The following DEF6 variants were observed in gnomAD, a reference collection of about 807,000 sequenced individuals.
DEF6 encodes the protein differentially expressed in FDCP 6 homolog.
Under a neutral mutation model 80.5 loss-of-function variants are expected in DEF6, and 32 were observed. The ratio of observed to expected loss-of-function variants is 0.40; its 90% CI spans 0.30 to 0.53. The LOEUF (loss-of-function observed/expected upper bound fraction) is 0.53. DEF6 is among the 20% of genes least tolerant of loss of function. The pLI, the probability that DEF6 is intolerant of heterozygous loss-of-function variation, is 0.57. For synonymous variants in DEF6, 300 were observed against 337.9 expected, an observed-to-expected ratio of 0.89 and a Z score of 1.23; for missense variants, 575 against 818.7, an observed-to-expected ratio of 0.70 and a Z score of 3.63.
chr6:35,298,647 G>T (rs1224779698), intron 1 of DEF6, among the ~76,000 whole-genome samples: 1 of 152,180 alleles, frequency 6.6e-6, no homozygotes, highest in African/African-American at 2.4e-5. Context: ...CAATCATCTG[G>T]CCTAGACAAT....
chr6:35,307,911 C>T (rs1404816650), intron 1 of DEF6, among the ~76,000 whole-genome samples: 1 of 152,156 alleles, frequency 6.6e-6, no homozygotes. Context: ...CTCCTAGGAA[C>T]TGATTCCAAG....
chr6:35,308,977 C>A (rs182841140), intron 1 of DEF6, among the ~76,000 whole-genome samples: 93 of 152,268 alleles, frequency 6.1e-4, no homozygotes, highest in African/African-American at 1.9e-3. Flanking sequence ...CCCCTGCACA[C>A]CATTATGACC....
chr6:35,320,435 C>A (rs553189796), intron 9 of DEF6, among the ~76,000 whole-genome samples: 2 of 152,084 alleles, frequency 1.3e-5, no homozygotes, highest in Non-Finnish European at 2.9e-5. Context: ...CATGATCCCC[C>A]CCACCTCACA....
Position 35,318,310 on chromosome 6 carries a change from CAGCTGCAGG to C in DEF6, c.1057_1065del (p.Leu353_Glu355del). On this transcript the variant is annotated inframe_deletion, in exon 7 of 11. Coordinates refer to ENST00000316637, the MANE Select transcript of DEF6 (RefSeq NM_022047.4). This position sits in a 1 kb window ranked among gnomAD's most constrained non-coding sequence, Gnocchi z 5.1. ...GGAAGAGGAGCTGCTGCGGCTGCAGCAGCTGCAGGAGGAGAAGGAGCGGAAGCTGCAGGA... is the reference window on the plus strand; with the variant it reads ...GGAAGAGGAGCTGCTGCGGCTGCAGCAGGAGAAGGAGCGGAAGCTGCAGGA... The C allele has an allele frequency of 6.4e-7, 1 of 1,550,876 alleles. No individual in the cohort carries two copies. The highest frequency in any genetic ancestry group is 8.7e-7 in the Non-Finnish European group (1 of 1,148,934).
chr6:35,299,395 C>T (rs1000550437), intron 1 of DEF6, among the ~76,000 whole-genome samples: 6 of 151,630 alleles, frequency 4.0e-5, no homozygotes, highest in Admixed American at 3.3e-4. Flanking sequence ...CTTTTTGCTT[C>T]CAGGGTAACA....
rs946527105 is a variant in DEF6, at chr6:35,318,333, G to A, written c.1077G>A (p.Arg359=). The change falls in exon 7 of 11, where the codon CGG becomes CGA. Residue 359 remains arginine (R), a synonymous_variant. Transcript: ENST00000316637. This position sits in a 1 kb window ranked among gnomAD's most constrained non-coding sequence, Gnocchi z 5.1. ...RLQQLQEEKE[R]KLQELELLQE... is the part of the protein sequence containing the mutation. ...AGCAGCTGCAGGAGGAGAAGGAGCGGAAGCTGCAGGAGCTGGAGCTGCTGC... is the reference window on the plus strand; with the variant it reads ...AGCAGCTGCAGGAGGAGAAGGAGCGAAAGCTGCAGGAGCTGGAGCTGCTGC... 8.4e-6 allele frequency: 13 copies of A among 1,545,376 alleles called. No individual in the cohort carries two copies. The African/African-American group carries it at 1.6e-4, about 20-fold the overall frequency.
rs1174877744 is a variant in DEF6 at position 35,317,783 on chromosome 6, A to G, written c.808-108A>G. On this transcript the variant is annotated intron_variant, in intron 5 of 10. Coordinates refer to ENST00000316637, the MANE Select transcript of DEF6 (RefSeq NM_022047.4). ...AGGCTCCTGGCAGAGTGGGGTCCCC[A>G]GGGAAGATAGCCAGGAGGGCTAGGG... is the stretch of plus-strand genomic sequence containing the variant. The G allele has an allele frequency of 4.5e-6, 4 of 880,462 alleles. No individual in the cohort carries two copies. In the African/African-American group the frequency reaches 6.9e-5, roughly 15 times the overall value. 54.5% of individuals were successfully genotyped at this position (880,462 alleles called of 1,614,324 possible). A position where few individuals can be genotyped will look rare whatever the true frequency, so the allele number is the denominator to read the frequency against.
chr6:35,297,999 C>A (rs912539112), intron 1 of DEF6, 47 bp downstream of exon 1: 1 of 1,479,460 alleles, frequency 6.8e-7, no homozygotes, highest in Non-Finnish European at 9.2e-7. Flanking sequence ...TGCACCACAC[C>A]AGCCCCTGCC....
chr6:35,298,683 C>G (rs1320260566), intron 1 of DEF6, among the ~76,000 whole-genome samples: 1 of 152,192 alleles, frequency 6.6e-6, no homozygotes, highest in Non-Finnish European at 1.5e-5. Context: ...GAGTTTTTCT[C>G]TCTCTTCCTC....
chr6:35,307,355 C>T (rs753581038), intron 1 of DEF6, among the ~76,000 whole-genome samples: 4 of 152,244 alleles, frequency 2.6e-5, no homozygotes, highest in Non-Finnish European at 4.4e-5. Flanking sequence ...GCCAACACCG[C>T]GCCACTGCGC....
In DEF6 at chr6:35,321,570, C is replaced by A; in HGVS notation, c.*160C>A. 1 of 629,772 alleles carries A rather than the reference C, an allele frequency of 1.6e-6. No individual in the cohort carries two copies. The highest frequency in any genetic ancestry group is 2.7e-6 in the Non-Finnish European group (1 of 368,380). 39.0% of individuals were successfully genotyped at this position (629,772 alleles called of 1,614,324 possible). A position where few individuals can be genotyped will look rare whatever the true frequency, so the allele number is the denominator to read the frequency against. ...AAACAGTCCAGGATGGAACCTGGTTCACCCTTCATACCAGCTCCAAGCCCC... is the reference window on the plus strand; with the variant it reads ...AAACAGTCCAGGATGGAACCTGGTTAACCCTTCATACCAGCTCCAAGCCCC... On this transcript the variant is annotated 3_prime_UTR_variant, in exon 11 of 11. Transcript: ENST00000316637.
In DEF6 at chr6:35,297,934, C is replaced by T. The variant is rs16874262; in HGVS notation, c.78C>T (p.Val26=). 16,866 of 1,603,244 alleles carry T rather than the reference C, an allele frequency of 0.011. 1,218 individuals are homozygous for T. The African/African-American group carries it at 0.17, about 16-fold the overall frequency. Residue 26 remains valine, a synonymous_variant, in exon 1 of 11, where the codon GTC becomes GTT. Transcript: ENST00000316637. The part of the protein sequence containing the change: ...TALDVEKSGK[V]SKSQLKVLSH... ...TGGACGTGGAGAAGAGTGGCAAAGT[C>T]TCCAAGTCCCAGCTCAAGGTGAGGG...
Position 35,310,534 on chromosome 6 carries a change from G to T in DEF6, c.313G>T (p.Ala105Ser). Residue 105 changes from alanine to serine, a missense_variant, in exon 3 of 11, where the codon GCA (alanine) becomes TCA (serine). Transcript: ENST00000316637. Reference sequence around the variant, plus strand: ...GCTGACGGCCAAGAAGAACTATCGGGCAGATAGCAACGGGAACAGTATGCT... The same window carrying T: ...GCTGACGGCCAAGAAGAACTATCGGTCAGATAGCAACGGGAACAGTATGCT... ...WTLTAKKNYR[A>S]DSNGNSMLSN... The T allele has an allele frequency of 6.2e-7, 1 of 1,614,184 alleles. No homozygotes were observed.
At position 35,320,903 on chromosome 6, in the gene DEF6, G is replaced by A. The variant is rs747695494; in HGVS notation, c.1601G>A (p.Arg534His). 7.8e-5 allele frequency: 126 copies of A among 1,609,722 alleles called. No homozygotes were observed. The highest frequency in any genetic ancestry group is 9.5e-5 in the Non-Finnish European group (112 of 1,177,698). The change falls in exon 10 of 11, where the codon CGC (arginine) becomes CAC (histidine). Residue 534 changes from arginine (R) to histidine (H), a missense_variant. Transcript: ENST00000316637. ...CCACAGGCTGCCCAGAGAAAACTGC[G>A]CCAGGCCAGCACCAACGTGAAACAC... ...EDVEAAQRKL[R>H]QASTNVKHWN...
At chr6:35,309,899 C>A (rs1390211737) in intron 2 of DEF6, 89 bp downstream of exon 2, 6 of 1,481,596 alleles carry the variant, frequency 4.0e-6, no homozygotes, top group Non-Finnish European at 5.5e-6. Flanking sequence ...TCCAACTCTT[C>A]GCCCCTGCCA....
At position 35,317,999 on chromosome 6, in the gene DEF6, G is replaced by A. The variant is rs1221551337; in HGVS notation, c.916G>A (p.Ala306Thr). ...GCGCCAGCGCCAGGAGTGGACAGCT[G>A]GTGAGTGCTCGCTAGGTGGCTTGGG... ...DTRQRQEWTA[A>T]IQMAIRLQAE... The change falls in exon 6 of 11, where the codon GCC becomes ACC. Residue 306 changes from alanine (A) to threonine (T), a missense_variant and splice_region_variant. Coordinates refer to ENST00000316637, the MANE Select transcript of DEF6 (RefSeq NM_022047.4). The A allele has an allele frequency of 6.2e-7, 1 of 1,612,692 alleles. No individual in the cohort carries two copies. Among genetic ancestry groups the A allele is most frequent in the Non-Finnish European group, 8.5e-7 (1 of 1,179,390 alleles).
Position 35,319,630 on chromosome 6 carries a change from C to T in DEF6, c.1322C>T (p.Ala441Val), listed in dbSNP as rs1257247510. Residue 441 changes from alanine (A) to valine (V), a missense_variant, in exon 8 of 11, where the codon GCC (alanine) becomes GTC (valine). Transcript: ENST00000316637. The surrounding 1 kb of genome is among the most constrained non-coding windows in gnomAD (Gnocchi z 4.5). ...GAGATGCAGCAGCGGTTGCAGGAGG[C>T]CCTGCAACTAGAGGTGAAAGCTCGG... The part of the protein sequence containing the change: ...LEEMQQRLQE[A>V]LQLEVKARRD... 1 of 1,613,744 alleles carries T rather than the reference C, an allele frequency of 6.2e-7. No homozygotes were observed.
chr6:35,301,371 G>A (rs1272689773), intron 1 of DEF6, among the ~76,000 whole-genome samples: 2 of 152,192 alleles, frequency 1.3e-5, no homozygotes, highest in African/African-American at 2.4e-5. Flanking sequence ...ACGCAGGCTT[G>A]GATCCGTACT....
chr6:35,297,993 C>T, intron 1 of DEF6, 41 bp downstream of exon 1: 1 of 1,501,060 alleles, frequency 6.7e-7, no homozygotes, highest in Non-Finnish European at 9.1e-7. Context: ...GGCAGATGCA[C>T]CACACCAGCC....
Sources: gnomAD v4.1 joint callset for allele counts (sites outside exome capture counted in the v4.1 genomes callset) on GRCh38, gnomAD v4.1.1 for gene constraint, Gnocchi (gnomAD v3.1) non-coding constraint, MANE v1.5 for transcripts, NCBI Gene and HGNC (gene_info 2026-07-23, HGNC 2026-07-21) for gene names.